SOX5: variants seen among roughly 807,000 people sequenced by gnomAD.
SOX5 encodes transcription factor SOX-5.
A neutral mutation model predicts 92.0 loss-of-function variants in SOX5; 9 were observed. The ratio of observed to expected loss-of-function variants is 0.10; its 90% CI spans 0.06 to 0.17. The LOEUF is 0.17. Ranked by LOEUF, SOX5 falls within the 10% of genes least tolerant of loss-of-function variation. The pLI, the probability that SOX5 is intolerant of heterozygous loss-of-function variation, is 1.00. For missense variants in SOX5, 642 were observed against 944.5 expected (o/e 0.68, Z 4.20); for synonymous variants, 344 against 336.3 (o/e 1.02, Z -0.25).
At chr12:23,576,938 T>A (rs1193903450) in intron 9 of SOX5, among the ~76,000 whole-genome samples, 1 of 151,342 alleles carries the variant, frequency 6.6e-6, no homozygotes, top group Non-Finnish European at 1.5e-5. Context: ...TTTCACGAGT[T>A]AAGAACATAA....
At chr12:23,647,185 A>G (rs2080967550) in intron 7 of SOX5, among the ~76,000 whole-genome samples, 1 of 152,174 alleles carries the variant, frequency 6.6e-6, no homozygotes. Context: ...ATCTCCTTGT[A>G]CACCACCATC....
chr12:24,353,460 A>G (rs1410414346), intron 2 of SOX5, among the ~76,000 whole-genome samples: 1 of 152,192 alleles, frequency 6.6e-6, no homozygotes, highest in Non-Finnish European at 1.5e-5. Context: ...AGGAGTACAG[A>G]AAAGTTTGAA....
chr12:24,054,493 T>TCA (rs777358454), intron 4 of SOX5, among the ~76,000 whole-genome samples: 1 of 152,134 alleles, frequency 6.6e-6, no homozygotes, highest in Non-Finnish European at 1.5e-5. Context: ...AGGACATGGG[T>TCA]CACACACACA....
At chr12:24,253,065 CAA>C (rs763022980) in intron 3 of SOX5, among the ~76,000 whole-genome samples, 29 of 151,868 alleles carry the variant, frequency 1.9e-4, no homozygotes, top group South Asian at 8.3e-4. Flanking sequence ...AGCTAGGAAA[CAA>C]GAGATACAGA....
chr12:23,628,285 A>T (rs1251810874), intron 8 of SOX5, among the ~76,000 whole-genome samples: 1 of 152,038 alleles, frequency 6.6e-6, no homozygotes, highest in African/African-American at 2.4e-5. Flanking sequence ...CTTGGAGCAC[A>T]TATTTAAAAT....
At chr12:23,968,241 T>G (rs886649503) in intron 4 of SOX5, among the ~76,000 whole-genome samples, 1 of 152,208 alleles carries the variant, frequency 6.6e-6, no homozygotes, top group Non-Finnish European at 1.5e-5. Context: ...AAGTATGGCT[T>G]TTATCCACAT....
chr12:24,447,647 T>C (rs921353078), intron 1 of SOX5, among the ~76,000 whole-genome samples: 3 of 152,256 alleles, frequency 2.0e-5, no homozygotes, highest in Non-Finnish European at 2.9e-5. Context: ...ACAACAATGA[T>C]AGCTGGATAC....
intron 2 of SOX5, among the ~76,000 whole-genome samples, chr12:24,323,297 TTA>T (rs754375328): frequency 6.6e-6 from 1 of 150,894 alleles, no homozygotes; most frequent in East Asian, 1.9e-4. Context: ...ATGTAGCTGA[TTA>T]TATATATATG....
At chr12:23,931,814 A>C (rs1941468750) in intron 1 of SOX5, among the ~76,000 whole-genome samples, 1 of 151,694 alleles carries the variant, frequency 6.6e-6, no homozygotes, top group African/African-American at 2.4e-5. Flanking sequence ...ATGAACTCTA[A>C]CAAAATACAC....
intron 4 of SOX5, among the ~76,000 whole-genome samples, chr12:24,057,965 A>AT (rs1355067401): frequency 1.3e-5 from 2 of 152,308 alleles, no homozygotes; most frequent in East Asian, 3.9e-4. Flanking sequence ...TAATCCTTGT[A>AT]TTTTCTTCTG....
intron 3 of SOX5, among the ~76,000 whole-genome samples, chr12:24,258,612 A>G (rs565532963): frequency 6.6e-6 from 1 of 152,332 alleles, no homozygotes; most frequent in East Asian, 1.9e-4. Context: ...CAAAAATCAT[A>G]AGAATTTCTC....
intron 1 of SOX5, among the ~76,000 whole-genome samples, chr12:24,413,812 AT>A (rs990824447): frequency 3.3e-5 from 5 of 152,154 alleles, no homozygotes; most frequent in Admixed American, 6.5e-5. Flanking sequence ...TGCGTCAGTG[AT>A]TTTTTTTCCC....
At chr12:23,590,209 T>G (rs1011865208) in intron 9 of SOX5, among the ~76,000 whole-genome samples, 1 of 152,042 alleles carries the variant, frequency 6.6e-6, no homozygotes, top group African/African-American at 2.4e-5. Context: ...TGATTTCATC[T>G]GAAGTATACA....
chr12:23,758,258 A>C lies in SOX5; in HGVS notation c.482-2534T>G, dbSNP rs145438633. 1.2e-4 allele frequency among the ~76,000 whole-genome samples: 19 copies of C among 152,108 alleles called. No individual in the cohort carries two copies. The East Asian group carries it at 3.7e-3, about 29-fold the overall frequency. On this transcript the variant is annotated intron_variant, in intron 3 of 14. Coordinates refer to ENST00000451604, the MANE Select transcript of SOX5 (RefSeq NM_006940.6). Reference sequence around the variant, plus strand: ...TCTCTCATTTAATGGTAATAACCAAATGAAGACTTAGATCATGTAACATCC... The same window carrying C: ...TCTCTCATTTAATGGTAATAACCAACTGAAGACTTAGATCATGTAACATCC...
intron 1 of SOX5, among the ~76,000 whole-genome samples, chr12:24,503,459 C>T (rs1426358076): frequency 1.3e-5 from 2 of 152,194 alleles, no homozygotes; most frequent in African/African-American, 4.8e-5. Context: ...AAAAATCTCA[C>T]TGTAGAACCG....
rs934094636 is a variant in SOX5, at chr12:23,948,967, T to C, written c.38+597A>G. On this transcript the variant is annotated intron_variant, in intron 1 of 14. Coordinates refer to ENST00000451604, the MANE Select transcript of SOX5 (RefSeq NM_006940.6). ...AGGGAACAGCTCCATTTATCCCCTT[T>C]TCGCCCCTATTTTTGACACTTAGGG... Among the ~76,000 whole-genome samples, 15 of 152,308 alleles carry C rather than the reference T, an allele frequency of 9.8e-5. No homozygotes were observed. The South Asian group carries it at 1.2e-3, about 13-fold the overall frequency.
At chr12:23,969,135 C>T (rs1425509797) in intron 4 of SOX5, among the ~76,000 whole-genome samples, 1 of 151,974 alleles carries the variant, frequency 6.6e-6, no homozygotes, top group Non-Finnish European at 1.5e-5. Context: ...TGATACTTTC[C>T]CCTCCCTCAC....
intron 4 of SOX5, among the ~76,000 whole-genome samples, chr12:24,032,469 A>C (rs761790225): frequency 4.1e-4 from 62 of 152,000 alleles, no homozygotes; most frequent in Non-Finnish European, 8.3e-4. Flanking sequence ...TTGGATAGAA[A>C]ATAAAAATTT....
At chr12:24,087,661 T>G (rs915484291) in intron 4 of SOX5, among the ~76,000 whole-genome samples, 3 of 152,100 alleles carry the variant, frequency 2.0e-5, no homozygotes, top group Admixed American at 2.0e-4. Flanking sequence ...ACCTTCAAAT[T>G]AAGGCATAAC....
Sources: gnomAD v4.1 joint callset for allele counts (sites outside exome capture counted in the v4.1 genomes callset) on GRCh38, gnomAD v4.1.1 for gene constraint, MANE v1.5 for transcripts, NCBI Gene and HGNC (gene_info 2026-07-23, HGNC 2026-07-21) for gene names.